The following IZUMO2 variants were observed in gnomAD, a reference collection of about 807,000 sequenced individuals.
IZUMO2 encodes IZUMO family member 2, also known as izumo sperm-egg fusion protein 2.
A neutral mutation model predicts 31.2 loss-of-function variants in IZUMO2; 24 were observed. The ratio of observed to expected loss-of-function variants is 0.77; its 90% CI spans 0.56 to 1.08. IZUMO2 has a LOEUF of 1.08. IZUMO2 is among the 50% of genes least tolerant of loss of function. The probability of loss-of-function intolerance (pLI) is 0.00; values close to 1 mark genes in which losing one functional copy is unlikely to be tolerated. For missense variants in IZUMO2, 278 were observed against 274.0 expected (o/e 1.01, Z -0.10); for synonymous variants, 144 against 117.3 (o/e 1.23, Z -1.47).
chr19:50,154,276 T>C (rs941325734), intron 6 of IZUMO2, among the ~76,000 whole-genome samples: 3 of 136,524 alleles, frequency 2.2e-5, no homozygotes, highest in South Asian at 2.6e-4. Flanking sequence ...TTTTTTTTTT[T>C]TTTTTTTTTT....
intron 5 of IZUMO2, 71 bp from the exon 6 acceptor site, chr19:50,154,797 T>TG: frequency 6.4e-7 from 1 of 1,561,662 alleles, no homozygotes; most frequent in Non-Finnish European, 8.7e-7. Context: ...CCACCCCACC[T>TG]GTTCATTCAG....
At chr19:50,152,786 C>A in intron 6 of IZUMO2, 135 bp from the exon 7 acceptor site, 2 of 749,560 alleles carry the variant, frequency 2.7e-6, no homozygotes, top group Admixed American at 2.1e-5. Context: ...ACGTCATGGG[C>A]ATCTGGGCAG....
At chr19:50,153,266 TCA>T (rs545550601) in intron 6 of IZUMO2, among the ~76,000 whole-genome samples, 2 of 152,322 alleles carry the variant, frequency 1.3e-5, no homozygotes, top group East Asian at 3.9e-4. Flanking sequence ...GGATTCACTC[TCA>T]GAGGCTCTGG....
At position 50,154,610 on chromosome 19, in the gene IZUMO2, T is replaced by C; in HGVS notation, c.613A>G (p.Ile205Val). 1 of 1,613,928 alleles carries C rather than the reference T, an allele frequency of 6.2e-7. No homozygotes were observed. Among genetic ancestry groups the C allele is most frequent in the South Asian group, 1.1e-5 (1 of 91,066 alleles). ...GCAAGGATGACTCACGAGACCACGATGACCACGAAGACAAAGACAGCCAGA... is the reference window on the plus strand; with the variant it reads ...GCAAGGATGACTCACGAGACCACGACGACCACGAAGACAAAGACAGCCAGA... Reference protein sequence around the residue: ...VSLAVFVFVVIVVSACTYRQN... With the variant: ...VSLAVFVFVVVVVSACTYRQN... The change falls in exon 6 of 7, where the codon ATC (isoleucine) becomes GTC (valine). Residue 205 changes from isoleucine to valine, a missense_variant. Ile to Val is a conservative substitution (Grantham distance 29). Transcript: ENST00000293405.
In IZUMO2 at chr19:50,160,127, A is replaced by G. The variant is rs184126081; in HGVS notation, c.308-547T>C. 1.5e-3 allele frequency: 229 copies of G among 153,478 alleles called. 1 individual carries two copies. Among genetic ancestry groups the G allele is most frequent in the Admixed American group, 3.2e-3 (50 of 15,486 alleles). 9.5% of individuals were successfully genotyped at this position (153,478 alleles called of 1,614,324 possible). A position where few individuals can be genotyped will look rare whatever the true frequency, so the allele number is the denominator to read the frequency against. On this transcript the variant is annotated intron_variant, in intron 2 of 6. Transcript: ENST00000293405. ...GCCTCCCAAAGTGCTGGGATTACAGACGTGAGCCACCGCACCCGACCTCTT... is the reference window on the plus strand; with the variant it reads ...GCCTCCCAAAGTGCTGGGATTACAGGCGTGAGCCACCGCACCCGACCTCTT...
Position 50,162,966 on chromosome 19 carries a change from C to T in IZUMO2, c.229G>A (p.Val77Met), listed in dbSNP as rs768468089. 1 of 1,613,674 alleles carries T rather than the reference C, an allele frequency of 6.2e-7. No homozygotes were observed. The highest frequency in any genetic ancestry group is 8.5e-7 in the Non-Finnish European group (1 of 1,179,846). The part of the protein sequence containing the change: ...DYALNVFVGK[V>M]ETNQLDLVAS... ...CCCAATTTCTCCCAACACGCACCCA[C>T]TTTCCCCACAAACACGTTCAGCGCG... The change falls in exon 1 of 7, where the codon GTG becomes ATG. Residue 77 changes from valine to methionine, a missense_variant. Transcript: ENST00000293405.
intron 3 of IZUMO2, 89 bp from the exon 4 acceptor site, chr19:50,159,339 G>A (rs1568438593): frequency 3.5e-6 from 5 of 1,445,540 alleles, no homozygotes; most frequent in South Asian, 1.2e-5. Context: ...GGTAAGGGGT[G>A]AGGCTGGGAA....
chr19:50,154,632 CAG>C lies in IZUMO2; in HGVS notation c.589_590del (p.Leu197GlyfsTer37). ...ALLGILISVS[L>X]AVFVFVVIVV... ...CGATGACCACGAAGACAAAGACAGC[CAG>C]AGACACAGAAATGAGGATGCCCAAC... On this transcript the variant is annotated frameshift_variant, in exon 6 of 7. Coordinates refer to ENST00000293405, the MANE Select transcript of IZUMO2 (RefSeq NM_152358.3). LOFTEE classifies it high-confidence loss of function. 1 of 1,614,030 alleles carries C rather than the reference CAG, an allele frequency of 6.2e-7. No individual in the cohort carries two copies. The highest frequency in any genetic ancestry group is 8.5e-7 in the Non-Finnish European group (1 of 1,179,998).
At chr19:50,161,993 C>T (rs141292432) in intron 2 of IZUMO2, among the ~76,000 whole-genome samples, 2,530 of 152,212 alleles carry the variant, frequency 0.017, 61 homozygotes, top group African/African-American at 0.058. Context: ...TTAAGAGTAT[C>T]TTGGTTTGGC....
rs114297624 is a variant in IZUMO2, at chr19:50,156,569, C to T, written c.496+1699G>A. Reference sequence around the variant, plus strand: ...AAAGTGGGACACTCTATAGGACACACTCCCTTCTTTTTCAATGCCAATGTC... The same window carrying T: ...AAAGTGGGACACTCTATAGGACACATTCCCTTCTTTTTCAATGCCAATGTC... On this transcript the variant is annotated intron_variant, in intron 5 of 6. Transcript: ENST00000293405. 3.5e-3 allele frequency among the ~76,000 whole-genome samples: 531 copies of T among 152,010 alleles called. 4 individuals carry two copies. Among genetic ancestry groups the T allele is most frequent in the African/African-American group, 0.012 (502 of 41,446 alleles).
Position 50,159,513 on chromosome 19 carries a change from T to C in IZUMO2, c.375A>G (p.Leu125=), listed in dbSNP as rs768585990. The C allele has an allele frequency of 6.2e-7, 1 of 1,611,650 alleles. No homozygotes were observed. The highest frequency in any genetic ancestry group is 1.7e-5 in the Admixed American group (1 of 59,976). Residue 125 remains leucine, a synonymous_variant, in exon 3 of 7, where the codon TTA becomes TTG. Transcript: ENST00000293405. The part of the protein sequence containing the change: ...ANVIKEFKKV[L]ISYELKACNP... ...CTGCACCTTTTAATTCATATGAAAT[T>C]AAAACTTTCTTGAATTCCTTGATCA... is the stretch of plus-strand genomic sequence containing the variant.
Position 50,159,229 on chromosome 19 carries a change from C to G in IZUMO2, c.415+1G>C, listed in dbSNP as rs768213269. The G allele has an allele frequency of 2.4e-5, 38 of 1,610,628 alleles. No individual in the cohort carries two copies. The African/African-American group carries it at 4.5e-4, about 19-fold the overall frequency. ...GGAGAGATAGACGATCCAGAACTCA[C>G]GGCAAAGTTTGGGGTTGCAGGCTGC... On this transcript the variant is annotated splice_donor_variant, in intron 4 of 6. Transcript: ENST00000293405. LOFTEE classifies it high-confidence loss of function.
intron 2 of IZUMO2, among the ~76,000 whole-genome samples, chr19:50,161,106 G>A (rs1275928357): frequency 2.7e-5 from 4 of 150,404 alleles, no homozygotes; most frequent in African/African-American, 7.3e-5. Flanking sequence ...GTGCTTTGAC[G>A]CCTTTTTCTT....
At chr19:50,155,461 A>G (rs2030182781) in intron 5 of IZUMO2, among the ~76,000 whole-genome samples, 1 of 152,210 alleles carries the variant, frequency 6.6e-6, no homozygotes, top group South Asian at 2.1e-4. Flanking sequence ...CAAAATGCGA[A>G]CAGTTTCACA....
intron 6 of IZUMO2, among the ~76,000 whole-genome samples, chr19:50,154,264 G>T (rs566487505): frequency 5.0e-5 from 4 of 79,274 alleles, no homozygotes; most frequent in East Asian, 3.2e-4. Flanking sequence ...AACTTTTAGC[G>T]TTTTTTTTTT....
At chr19:50,154,263 C>T (rs1380342614) in intron 6 of IZUMO2, among the ~76,000 whole-genome samples, 52 of 40,626 alleles carry the variant, frequency 1.3e-3, no homozygotes, top group African/African-American at 6.5e-3. Context: ...TAACTTTTAG[C>T]GTTTTTTTTT....
At chr19:50,158,551 AT>A in intron 4 of IZUMO2, among the ~76,000 whole-genome samples, 1 of 152,362 alleles carries the variant, frequency 6.6e-6, no homozygotes, top group East Asian at 1.9e-4. Flanking sequence ...GAAGAACTAA[AT>A]TCATCCAGTA....
rs746125672 is a variant in IZUMO2 at position 50,162,829 on chromosome 19, A to C, written c.233-16T>G. 2 of 1,612,344 alleles carry C rather than the reference A, an allele frequency of 1.2e-6. No homozygotes were observed. Among genetic ancestry groups the C allele is most frequent in the Non-Finnish European group, 1.7e-6 (2 of 1,178,976 alleles). Reference sequence around the variant, plus strand: ...TGATTTGTCTCTGGGGGGAGAAGGGAGAGGACACTCCAGTGAGCCCCCCAG... The same window carrying C: ...TGATTTGTCTCTGGGGGGAGAAGGGCGAGGACACTCCAGTGAGCCCCCCAG... On this transcript the variant is annotated splice_polypyrimidine_tract_variant and intron_variant, in intron 1 of 6. Coordinates refer to ENST00000293405, the MANE Select transcript of IZUMO2 (RefSeq NM_152358.3).
intron 2 of IZUMO2, among the ~76,000 whole-genome samples, chr19:50,162,529 C>A (rs2030432907): frequency 6.6e-6 from 1 of 151,918 alleles, no homozygotes; most frequent in Admixed American, 6.6e-5. Context: ...GCGGCAGGAT[C>A]GCTGGAGCCC....
Sources: gnomAD v4.1 joint callset for allele counts (sites outside exome capture counted in the v4.1 genomes callset) on GRCh38, gnomAD v4.1.1 for gene constraint, MANE v1.5 for transcripts, NCBI Gene and HGNC (gene_info 2026-07-23, HGNC 2026-07-21) for gene names.